Variants in MCTP1 observed in about 807,000 individuals in gnomAD.
MCTP1 encodes multiple C2 and transmembrane domain containing 1.
MCTP1 carries 69 observed loss-of-function variants against 120.6 expected under a neutral mutation model. That is an observed-to-expected ratio of 0.57 (90% CI 0.47 to 0.70). The LOEUF is 0.70. Among genes scored for constraint, MCTP1 ranks in the 30% least tolerant of loss-of-function variants. The pLI, the probability that MCTP1 is intolerant of heterozygous loss-of-function variation, is 0.00. For synonymous variants in MCTP1, 529 were observed against 493.1 expected (o/e 1.07, Z -0.96); for missense variants, 1,203 against 1,248.8 (o/e 0.96, Z 0.55).
At chr5:94,835,897 G>A (rs191641104) in intron 17 of MCTP1, among the ~76,000 whole-genome samples, 6 of 152,230 alleles carry the variant, frequency 3.9e-5, no homozygotes, top group Admixed American at 2.6e-4. Flanking sequence ...CCAGCTACTC[G>A]GGAGGCTGAG....
chr5:95,027,918 T>C lies in MCTP1; in HGVS notation c.721-10434A>G, dbSNP rs78420302. ...ATCCATGAGTGTCAGAATACAGTAA[T>C]ATAGGGAAAGTGAGCTGCAGAGAGA... On this transcript the variant is annotated intron_variant, in intron 1 of 22. Coordinates refer to ENST00000515393, the MANE Select transcript of MCTP1 (RefSeq NM_024717.7). Among the ~76,000 whole-genome samples, 719 of 152,110 alleles carry C rather than the reference T, an allele frequency of 4.7e-3. 6 individuals carry two copies. The highest frequency in any genetic ancestry group is 0.016 in the African/African-American group (655 of 41,496).
At chr5:95,005,771 T>C (rs1354682535) in intron 2 of MCTP1, among the ~76,000 whole-genome samples, 1 of 2,528 alleles carries the variant, frequency 4.0e-4, no homozygotes, top group East Asian at 0.036. Context: ...TCTTTCTTTA[T>C]TTTTTTTTTT....
intron 17 of MCTP1, chr5:94,867,210 G>A: frequency 7.1e-7 from 1 of 1,402,798 alleles, no homozygotes; most frequent in African/African-American, 1.5e-5. Flanking sequence ...GAGACAGAGA[G>A]AGAGAGATTT....
chr5:95,056,893 A>G (rs1367012094), intron 1 of MCTP1, among the ~76,000 whole-genome samples: 1 of 152,194 alleles, frequency 6.6e-6, no homozygotes. Flanking sequence ...ACACGCAAAT[A>G]CATACGTATT....
At chr5:95,121,936 C>CAAAAAAAAA (rs70978167) in intron 1 of MCTP1, among the ~76,000 whole-genome samples, 3 of 112,716 alleles carry the variant, frequency 2.7e-5, no homozygotes, top group African/African-American at 3.5e-5. Flanking sequence ...TATCCATATG[C>CAAAAAAAAA]AAAAAAAAAA....
At chr5:95,270,014 A>G (rs536780579) in intron 1 of MCTP1, among the ~76,000 whole-genome samples, 1 of 152,374 alleles carries the variant, frequency 6.6e-6, no homozygotes, top group African/African-American at 2.4e-5. Context: ...TGACAGAAAT[A>G]AGATGAGGCT....
chr5:94,809,797 G>T (rs1783056147), intron 17 of MCTP1, among the ~76,000 whole-genome samples: 1 of 152,098 alleles, frequency 6.6e-6, no homozygotes, highest in Admixed American at 6.6e-5. Flanking sequence ...CTACATTAAA[G>T]AAACATTTAA....
At chr5:95,036,657 A>G (rs1350339108) in intron 1 of MCTP1, among the ~76,000 whole-genome samples, 1 of 152,224 alleles carries the variant, frequency 6.6e-6, no homozygotes, top group Non-Finnish European at 1.5e-5. Flanking sequence ...TTTCTATCAC[A>G]TATCAACTTT....
intron 2 of MCTP1, among the ~76,000 whole-genome samples, chr5:94,955,295 G>A (rs2153541935): frequency 6.6e-6 from 1 of 152,346 alleles, no homozygotes; most frequent in East Asian, 1.9e-4. Context: ...TCCCTTGGGT[G>A]CCTATGTCAC....
intron 3 of MCTP1, among the ~76,000 whole-genome samples, chr5:94,947,022 GT>G (rs1415916604): frequency 5.9e-5 from 9 of 152,106 alleles, no homozygotes; most frequent in African/African-American, 1.7e-4. Flanking sequence ...TTCAACCTCT[GT>G]CTTCACTTTG....
chr5:94,833,063 T>C (rs1326339506), intron 17 of MCTP1, among the ~76,000 whole-genome samples: 2 of 152,128 alleles, frequency 1.3e-5, no homozygotes, highest in Admixed American at 6.6e-5. Context: ...GTTATAAATA[T>C]CTTTCAGAAA....
intron 17 of MCTP1, among the ~76,000 whole-genome samples, chr5:94,857,172 T>G (rs889087242): frequency 1.3e-5 from 2 of 151,718 alleles, no homozygotes; most frequent in African/African-American, 2.4e-5. Context: ...TACAATAGTA[T>G]AGCTTTAACT....
chr5:94,910,184 G>GTGTATACATATATGTATATATACATATA (rs1561843129), intron 9 of MCTP1, among the ~76,000 whole-genome samples: 3 of 92,760 alleles, frequency 3.2e-5, no homozygotes, highest in Non-Finnish European at 5.2e-5. Flanking sequence ...ATATATGTAT[G>GTGTATACATATATGTATATATACATATA]TGTGCATACA....
chr5:94,708,729 CCT>C, intron 21 of MCTP1, 120 bp from the exon 22 acceptor site: 2 of 587,650 alleles, frequency 3.4e-6, no homozygotes, highest in Non-Finnish European at 6.2e-6. Flanking sequence ...TCCCCCTCTT[CCT>C]CTTTTTCTCC....
At chr5:94,980,417 T>C (rs1300161276) in intron 2 of MCTP1, among the ~76,000 whole-genome samples, 1 of 152,124 alleles carries the variant, frequency 6.6e-6, no homozygotes, top group East Asian at 1.9e-4. Context: ...CACATGATCA[T>C]ATAGACGGAA....
intron 1 of MCTP1, among the ~76,000 whole-genome samples, chr5:95,148,752 G>GT (rs372182874): frequency 0.017 from 2,517 of 151,150 alleles, 61 homozygotes; most frequent in African/African-American, 0.057. Context: ...AGGGGACTCT[G>GT]TTTTTTTTTA....
chr5:94,840,467 T>A (rs577971253), intron 17 of MCTP1, among the ~76,000 whole-genome samples: 1 of 152,316 alleles, frequency 6.6e-6, no homozygotes, highest in South Asian at 2.1e-4. Flanking sequence ...GTTCAGAATG[T>A]GAGAAGAGAT....
At chr5:94,953,989 AAT>A (rs1223164756) in intron 2 of MCTP1, among the ~76,000 whole-genome samples, 1 of 61,742 alleles carries the variant, frequency 1.6e-5, no homozygotes, top group Non-Finnish European at 3.0e-5. Flanking sequence ...TATATATACA[AAT>A]ATATATATGC....
intron 12 of MCTP1, 30 bp from the exon 13 acceptor site, chr5:94,873,271 G>T: frequency 7.8e-7 from 1 of 1,280,720 alleles, no homozygotes; most frequent in Non-Finnish European, 1.1e-6. Context: ...AATATTTTTA[G>T]TGTACATAGC....
Sources: gnomAD v4.1 joint callset for allele counts (sites outside exome capture counted in the v4.1 genomes callset) on GRCh38, gnomAD v4.1.1 for gene constraint, MANE v1.5 for transcripts, NCBI Gene and HGNC (gene_info 2026-07-23, HGNC 2026-07-21) for gene names.